The following RRAGD variants were observed in gnomAD, a reference collection of about 807,000 sequenced individuals.
RRAGD encodes ras-related GTP-binding protein D.
A neutral mutation model predicts 35.5 loss-of-function variants in RRAGD; 12 were observed. The ratio of observed to expected loss-of-function variants is 0.34; its 90% CI spans 0.22 to 0.55. The LOEUF (loss-of-function observed/expected upper bound fraction) is 0.55, where lower values mean the gene tolerates loss of function less well. Ranked by LOEUF, RRAGD falls within the 20% of genes least tolerant of loss-of-function variation. The pLI is 0.91. For missense variants in RRAGD, 324 were observed against 490.1 expected (o/e 0.66, Z 3.20); for synonymous variants, 155 against 178.9 (o/e 0.87, Z 1.07).
Position 89,367,928 on chromosome 6 carries a change from A to AT in RRAGD, c.*127dup, listed in dbSNP as rs142744016. 0.26 allele frequency: 178,095 copies of AT among 698,328 alleles called. 10,082 individuals are homozygous for AT. Among genetic ancestry groups the AT allele is most frequent in the African/African-American group, 0.41 (22,496 of 54,388 alleles). 43.3% of individuals were successfully genotyped at this position (698,328 alleles called of 1,614,324 possible). On this transcript the variant is annotated 3_prime_UTR_variant, in exon 7 of 7. Transcript: ENST00000369415. ...AGAGAAGATCAAGAGGGTTGCAGGA[A>AT]TTTTTTTTTTTTAACAACAAATCAA...
At chr6:89,409,235 C>T (rs1769647731) in intron 1 of RRAGD, among the ~76,000 whole-genome samples, 1 of 152,164 alleles carries the variant, frequency 6.6e-6, no homozygotes, top group African/African-American at 2.4e-5. Context: ...ACCTTTAGTC[C>T]ACTTCTCTTG....
chr6:89,412,178 A>T lies in RRAGD; in HGVS notation c.-185T>A, dbSNP rs953944023. The T allele has an allele frequency of 2.4e-6, 1 of 411,202 alleles. No individual in the cohort carries two copies. The highest frequency in any genetic ancestry group is 3.9e-6 in the Non-Finnish European group (1 of 254,504). The allele number at this position is 411,202 out of a possible 1,614,324, so 25.5% of individuals were successfully genotyped here. On this transcript the variant is annotated 5_prime_UTR_variant, in exon 1 of 7. Coordinates refer to ENST00000369415, the MANE Select transcript of RRAGD (RefSeq NM_021244.5). This position sits in a 1 kb window ranked among gnomAD's most constrained non-coding sequence, Gnocchi z 4.2. ...CCCAGGTCCGGGTCCCGCGGTTCCCAGCGCGCCCGAAGCCCCCTCCCCCGC... is the reference window on the plus strand; with the variant it reads ...CCCAGGTCCGGGTCCCGCGGTTCCCTGCGCGCCCGAAGCCCCCTCCCCCGC...
At chr6:89,385,261 C>T (rs750138783) in intron 2 of RRAGD, among the ~76,000 whole-genome samples, 5 of 152,070 alleles carry the variant, frequency 3.3e-5, no homozygotes, top group African/African-American at 9.7e-5. Context: ...GTAAGCACAA[C>T]GTGGTATTTA....
intron 1 of RRAGD, among the ~76,000 whole-genome samples, chr6:89,397,496 C>T (rs1177978866): frequency 6.6e-6 from 1 of 151,698 alleles, no homozygotes; most frequent in Non-Finnish European, 1.5e-5. Flanking sequence ...TCCAGCTACT[C>T]GGGAGGCTGA....
rs145416235 is a variant in RRAGD at position 89,374,528 on chromosome 6, C to A, written c.903-1943G>T. Among the ~76,000 whole-genome samples the A allele has an allele frequency of 1.3e-4, 20 of 152,100 alleles. No individual in the cohort carries two copies. In the East Asian group the frequency reaches 3.9e-3, roughly 29 times the overall value. ...GGTGGATCGCCTGAGGTTGGGAGTTCGAGAACAGCCTGACCAACATGGAGA... is the reference window on the plus strand; with the variant it reads ...GGTGGATCGCCTGAGGTTGGGAGTTAGAGAACAGCCTGACCAACATGGAGA... On this transcript the variant is annotated intron_variant, in intron 5 of 6. Transcript: ENST00000369415.
intron 5 of RRAGD, 28 bp downstream of exon 5, chr6:89,377,643 T>C (rs1768970454): frequency 6.6e-7 from 1 of 1,518,770 alleles, no homozygotes; most frequent in Non-Finnish European, 8.8e-7. Context: ...GATGGCTTGA[T>C]TGTGGCCTTT....
intron 1 of RRAGD, among the ~76,000 whole-genome samples, chr6:89,401,116 T>C (rs149089753): frequency 1.6e-3 from 248 of 151,864 alleles, no homozygotes; most frequent in Middle Eastern, 6.8e-3. Context: ...AATATCTGAG[T>C]CTTAAAGGAG....
At chr6:89,380,568 A>G (rs1018165136) in intron 2 of RRAGD, among the ~76,000 whole-genome samples, 1 of 152,236 alleles carries the variant, frequency 6.6e-6, no homozygotes, top group African/African-American at 2.4e-5. Flanking sequence ...GGCTAAAAAA[A>G]TGCAGCTGAT....
chr6:89,385,849 T>A (rs1350541338), intron 2 of RRAGD, among the ~76,000 whole-genome samples: 1 of 152,182 alleles, frequency 6.6e-6, no homozygotes, highest in African/African-American at 2.4e-5. Context: ...AAAATTTTGT[T>A]ATTATTATTA....
At chr6:89,386,693 T>C (rs555305696) in intron 2 of RRAGD, among the ~76,000 whole-genome samples, 1 of 152,164 alleles carries the variant, frequency 6.6e-6, no homozygotes, top group African/African-American at 2.4e-5. Context: ...CTTATAACTA[T>C]ATAAACAGAA....
At chr6:89,399,049 T>A (rs1033277655) in intron 1 of RRAGD, among the ~76,000 whole-genome samples, 4 of 152,182 alleles carry the variant, frequency 2.6e-5, no homozygotes, top group African/African-American at 9.7e-5. Flanking sequence ...AGTGCAAAAA[T>A]ATTCATGTGT....
chr6:89,392,231 T>C (rs142173074), intron 1 of RRAGD, among the ~76,000 whole-genome samples: 5,137 of 152,174 alleles, frequency 0.034, 115 homozygotes, highest in South Asian at 0.1. Flanking sequence ...GCCAGCACTT[T>C]GGAAGGCTGA....
intron 1 of RRAGD, among the ~76,000 whole-genome samples, chr6:89,396,887 G>A (rs1769345064): frequency 6.6e-6 from 1 of 151,182 alleles, no homozygotes; most frequent in Non-Finnish European, 1.5e-5. Context: ...GATTACAGGT[G>A]TGCACCACCA....
chr6:89,407,123 G>A (rs1769596076), intron 1 of RRAGD, among the ~76,000 whole-genome samples: 1 of 152,154 alleles, frequency 6.6e-6, no homozygotes, highest in Admixed American at 6.5e-5. Context: ...CTGAGAAATG[G>A]AGCCGAAGTC....
chr6:89,380,440 G>A, intron 2 of RRAGD, 73 bp from the exon 3 acceptor site: 1 of 1,337,354 alleles, frequency 7.5e-7, no homozygotes, highest in South Asian at 1.3e-5. Flanking sequence ...CTCTTCACCT[G>A]GAAACCATGT....
At chr6:89,379,086 C>G (rs536297992) in intron 4 of RRAGD, 138 bp downstream of exon 4, 1 of 534,010 alleles carries the variant, frequency 1.9e-6, no homozygotes, top group Non-Finnish European at 3.3e-6. Flanking sequence ...TAAAAGAACA[C>G]GTAGGAGTAA....
At chr6:89,407,776 G>A (rs1769611787) in intron 1 of RRAGD, among the ~76,000 whole-genome samples, 1 of 152,176 alleles carries the variant, frequency 6.6e-6, no homozygotes, top group African/African-American at 2.4e-5. Flanking sequence ...GGCAGACTCA[G>A]TTATCTTTGA....
chr6:89,376,701 G>A (rs1768954133), intron 5 of RRAGD, among the ~76,000 whole-genome samples: 1 of 150,772 alleles, frequency 6.6e-6, no homozygotes, highest in South Asian at 2.1e-4. Flanking sequence ...TAAGTGTATA[G>A]GAAGCTCTGT....
rs746548550 is a variant in RRAGD, at chr6:89,389,330, C to T, written c.149-1740G>A. Among the ~76,000 whole-genome samples the T allele has an allele frequency of 1.4e-4, 22 of 152,020 alleles. 1 individual carries two copies. The highest frequency in any genetic ancestry group is 5.2e-4 in the Admixed American group (8 of 15,262). On this transcript the variant is annotated intron_variant, in intron 1 of 6. Coordinates refer to ENST00000369415, the MANE Select transcript of RRAGD (RefSeq NM_021244.5). ...CAGCACTTTGGGAGGCCGAGACGGG[C>T]GGATCACGAGGTCAGCAGATCAAGA...
Sources: allele counts gnomAD v4.1 joint callset (sites outside exome capture counted in the v4.1 genomes callset), GRCh38; gene constraint gnomAD v4.1.1; non-coding constraint Gnocchi (gnomAD v3.1); transcripts MANE v1.5; gene names NCBI Gene and HGNC (gene_info 2026-07-23, HGNC 2026-07-21).